Variants in IMPG2 observed in about 807,000 individuals in gnomAD.
The protein encoded by IMPG2 is IPM 200.
IMPG2 carries 91 observed loss-of-function variants against 129.2 expected under a neutral mutation model. The observed-to-expected ratio is 0.70, with a 90% CI of 0.59 to 0.84. The LOEUF (loss-of-function observed/expected upper bound fraction) is 0.84. IMPG2 is among the 40% of genes least tolerant of loss of function. IMPG2 has a pLI of 0.00. For synonymous variants in IMPG2, 510 were observed against 517.7 expected (o/e 0.99, Z 0.20); for missense variants, 1,430 against 1,461.7 (o/e 0.98, Z 0.35).
In IMPG2 at chr3:101,269,490, T is replaced by C. The variant is rs776652346; in HGVS notation, c.887+25A>G. 3.8e-6 allele frequency: 5 copies of C among 1,315,614 alleles called. No homozygotes were observed. The South Asian group carries it at 5.9e-5, about 16-fold the overall frequency. 81.5% of individuals were successfully genotyped at this position (1,315,614 alleles called of 1,614,324 possible). On this transcript the variant is annotated intron_variant, in intron 8 of 18. Coordinates refer to ENST00000193391, the MANE Select transcript of IMPG2 (RefSeq NM_016247.4). ...AGAATAAAGAATACTACTGAAAATG[T>C]GCATATTTAGATAAGTCTATTTACC... is the stretch of plus-strand genomic sequence containing the variant.
chr3:101,320,012 C>T (rs1355260006), intron 1 of IMPG2, among the ~76,000 whole-genome samples, 180 bp from the exon 2 acceptor site: 1 of 152,046 alleles, frequency 6.6e-6, no homozygotes, highest in Non-Finnish European at 1.5e-5. Flanking sequence ...CCATTTAACT[C>T]CCACTCCTTT....
intron 7 of IMPG2, among the ~76,000 whole-genome samples, chr3:101,271,962 T>C (rs1374863693): frequency 1.3e-5 from 2 of 152,168 alleles, no homozygotes; most frequent in African/African-American, 4.8e-5. Flanking sequence ...AGGAACTATG[T>C]GAGGATCACA....
At chr3:101,239,651 C>A (rs928478602) in intron 14 of IMPG2, among the ~76,000 whole-genome samples, 18 of 152,154 alleles carry the variant, frequency 1.2e-4, no homozygotes, top group Non-Finnish European at 2.6e-4. Flanking sequence ...TTCACAATAG[C>A]AAAGACTTGG....
intron 16 of IMPG2, among the ~76,000 whole-genome samples, chr3:101,230,485 C>T (rs1333897136): frequency 2.0e-5 from 3 of 152,230 alleles, no homozygotes; most frequent in Non-Finnish European, 4.4e-5. Context: ...AAATTCACCT[C>T]TTCTATCTCA....
chr3:101,253,844 G>A, intron 10 of IMPG2, 63 bp from the exon 11 acceptor site: 1 of 1,143,920 alleles, frequency 8.7e-7, no homozygotes, highest in East Asian at 2.5e-5. Context: ...TGAGGTGCAG[G>A]GACAACTGAA....
In IMPG2 at chr3:101,244,096, C is replaced by A. The variant is rs768795511; in HGVS notation, c.2235G>T (p.Glu745Asp). The A allele has an allele frequency of 6.2e-7, 1 of 1,613,904 alleles. No homozygotes were observed. Among genetic ancestry groups the A allele is most frequent in the Non-Finnish European group, 8.5e-7 (1 of 1,180,020 alleles). Residue 745 changes from glutamate (E) to aspartate (D), a missense_variant, in exon 13 of 19, where the codon GAG becomes GAT. Coordinates refer to ENST00000193391, the MANE Select transcript of IMPG2 (RefSeq NM_016247.4). ...KSDQADAILR[E>D]DMEQITESSN... ...ATGACTCAGTAATTTGTTCCATATC[C>A]TCCCTTAGGATGGCATCTGCCTGAT...
At chr3:101,266,255 G>C (rs1706719728) in intron 9 of IMPG2, among the ~76,000 whole-genome samples, 2 of 152,164 alleles carry the variant, frequency 1.3e-5, no homozygotes, top group African/African-American at 2.4e-5. Context: ...ACACACCCAT[G>C]TTTATTTATT....
chr3:101,309,401 C>T (rs994666145), intron 2 of IMPG2, among the ~76,000 whole-genome samples: 2 of 152,124 alleles, frequency 1.3e-5, no homozygotes, highest in Non-Finnish European at 2.9e-5. Context: ...GGGGAGGCCT[C>T]AGGAAACTTA....
rs2058805772 is a variant in IMPG2, at chr3:101,320,430, C to A, written c.-58G>T. Reference sequence around the variant, plus strand: ...AGAATCCTTAATTGAGTGTCCAAATCCTTGAAACTTCCAATAACAAAGAGT... The same window carrying A: ...AGAATCCTTAATTGAGTGTCCAAATACTTGAAACTTCCAATAACAAAGAGT... On this transcript the variant is annotated 5_prime_UTR_variant, in exon 1 of 19. Coordinates refer to ENST00000193391, the MANE Select transcript of IMPG2 (RefSeq NM_016247.4). The A allele has an allele frequency of 9.6e-7, 1 of 1,042,308 alleles. No homozygotes were observed. Among genetic ancestry groups the A allele is most frequent in the Admixed American group, 1.7e-5 (1 of 57,164 alleles). The allele number at this position is 1,042,308 out of a possible 1,614,324, so 64.6% of individuals were successfully genotyped here.
chr3:101,279,158 T>A (rs1706868003), intron 4 of IMPG2, among the ~76,000 whole-genome samples: 3 of 152,186 alleles, frequency 2.0e-5, no homozygotes, highest in Admixed American at 1.3e-4. Flanking sequence ...CTTTCAATAA[T>A]AACAGCAAGA....
chr3:101,248,354 A>G (rs1173870745), intron 11 of IMPG2, among the ~76,000 whole-genome samples: 1 of 152,170 alleles, frequency 6.6e-6, no homozygotes, highest in African/African-American at 2.4e-5. Context: ...CTTGTGCCAT[A>G]ATTGTGAGGC....
rs879211584 is a variant in IMPG2, at chr3:101,222,890, A to G, written c.*4079T>C. On this transcript the variant is annotated 3_prime_UTR_variant, in exon 19 of 19. Transcript: ENST00000193391. ...TACCACAATTATTTTTTCTATATAT[A>G]ATCTTAATCTTTAAAGAAGTAATTA... The G allele has an allele frequency of 6.6e-6, 1 of 152,240 alleles. No homozygotes were observed. Among genetic ancestry groups the G allele is most frequent in the Admixed American group, 6.5e-5 (1 of 15,286 alleles). 9.4% of individuals were successfully genotyped at this position (152,240 alleles called of 1,614,324 possible).
At chr3:101,296,139 C>T (rs1338160582) in intron 3 of IMPG2, among the ~76,000 whole-genome samples, 4 of 152,114 alleles carry the variant, frequency 2.6e-5, no homozygotes, top group East Asian at 1.9e-4. Context: ...TGTCTTGTGC[C>T]GGTTTTCAAA....
chr3:101,274,513 A>T (rs1218148050), intron 6 of IMPG2, among the ~76,000 whole-genome samples: 1 of 152,192 alleles, frequency 6.6e-6, no homozygotes, highest in Non-Finnish European at 1.5e-5. Context: ...AGATGGGAAA[A>T]TGCATTAGGA....
At chr3:101,233,843 A>C (rs1394779896) in intron 14 of IMPG2, among the ~76,000 whole-genome samples, 2 of 152,170 alleles carry the variant, frequency 1.3e-5, no homozygotes, top group Non-Finnish European at 2.9e-5. Flanking sequence ...CTGTATTAAA[A>C]AGTATAAAGT....
At chr3:101,307,221 G>A (rs530487475) in intron 2 of IMPG2, among the ~76,000 whole-genome samples, 3 of 152,226 alleles carry the variant, frequency 2.0e-5, no homozygotes, top group Non-Finnish European at 4.4e-5. Context: ...ATTTTTACAT[G>A]GACAACACCA....
chr3:101,252,135 C>A (rs1352818515), intron 11 of IMPG2, among the ~76,000 whole-genome samples: 3 of 152,164 alleles, frequency 2.0e-5, no homozygotes, highest in Admixed American at 2.0e-4. Context: ...CAGCCACAAG[C>A]TCCAGCCACT....
At chr3:101,278,708 A>G (rs1706863088) in intron 4 of IMPG2, among the ~76,000 whole-genome samples, 1 of 152,000 alleles carries the variant, frequency 6.6e-6, no homozygotes, top group African/African-American at 2.4e-5. Context: ...AGTTAAAAAA[A>G]AAAAACAAAC....
intron 4 of IMPG2, among the ~76,000 whole-genome samples, chr3:101,289,720 T>C (rs1559654596): frequency 6.6e-6 from 1 of 151,898 alleles, no homozygotes; most frequent in Non-Finnish European, 1.5e-5. Context: ...GAGAGGCACA[T>C]GATCAAATTT....
Sources: gnomAD v4.1 joint callset for allele counts (sites outside exome capture counted in the v4.1 genomes callset) on GRCh38, gnomAD v4.1.1 for gene constraint, MANE v1.5 for transcripts, NCBI Gene and HGNC (gene_info 2026-07-23, HGNC 2026-07-21) for gene names.